The following HIBCH variants were observed in gnomAD, a reference collection of about 807,000 sequenced individuals.
The protein encoded by HIBCH is 3-hydroxyisobutyryl-CoA hydrolase, mitochondrial.
A neutral mutation model predicts 58.2 loss-of-function variants in HIBCH; 50 were observed. The observed-to-expected ratio is 0.86, with a 90% confidence interval of 0.68 to 1.09. The LOEUF is 1.09. HIBCH is among the 50% of genes least tolerant of loss of function. The pLI, the probability that HIBCH is intolerant of heterozygous loss-of-function variation, is 0.00. For synonymous variants in HIBCH, 151 were observed against 146.9 expected, an observed-to-expected ratio of 1.03 and a Z score of -0.20; for missense variants, 450 against 449.7, an observed-to-expected ratio of 1.00 and a Z score of -0.01.
At chr2:190,189,831 G>C (rs115854537) in exon 2 of HIBCH, 282 of 152,246 alleles carry the variant, frequency 1.9e-3, no homozygotes, top group African/African-American at 6.5e-3. Flanking sequence ...CCTTGAACTG[G>C]CAACTGGAAG....
chr2:190,302,142 T>C (rs1688280356), intron 2 of HIBCH, among the ~76,000 whole-genome samples: 2 of 152,174 alleles, frequency 1.3e-5, no homozygotes, highest in South Asian at 4.1e-4. Context: ...GCTTTACTTC[T>C]CCTAAAGGGC....
chr2:190,268,869 G>C (rs1187181960), intron 6 of HIBCH, among the ~76,000 whole-genome samples: 1 of 152,080 alleles, frequency 6.6e-6, no homozygotes, highest in Admixed American at 6.6e-5. Context: ...GCATGGTACT[G>C]GTACCAAAAG....
At chr2:190,193,748 T>A (rs1486058417) in intron 1 of HIBCH, among the ~76,000 whole-genome samples, 1 of 152,168 alleles carries the variant, frequency 6.6e-6, no homozygotes, top group African/African-American at 2.4e-5. Context: ...ATCTATTAGA[T>A]CTTTTTAAAG....
chr2:190,191,237 G>C (rs186793829), intron 1 of HIBCH, among the ~76,000 whole-genome samples: 1 of 152,076 alleles, frequency 6.6e-6, no homozygotes, highest in Admixed American at 6.5e-5. Context: ...CTGCCTCCTG[G>C]ATTCAGGTGA....
At chr2:190,291,899 T>G (rs1687966568) in intron 4 of HIBCH, among the ~76,000 whole-genome samples, 1 of 152,258 alleles carries the variant, frequency 6.6e-6, no homozygotes, top group African/African-American at 2.4e-5. Flanking sequence ...AAACATTTCA[T>G]AGATATGTTT....
At chr2:190,199,973 T>C (rs1690170870), downstream of HIBCH, 4 of 1,614,144 alleles carry the variant, frequency 2.5e-6, no homozygotes, top group South Asian at 1.1e-5. Context: ...CTACCTAGGA[T>C]GGCTTCTCCA....
At position 190,299,239 on chromosome 2, in the gene HIBCH, C is replaced by A. The variant is rs115392704; in HGVS notation, c.79-2286G>T. The stretch of plus-strand genomic sequence containing the variant: ...TACATATTTTGACTGCATTAAGCAA[C>A]ACGTTTATATAACGTTTAAGTTCTC... On this transcript the variant is annotated intron_variant, in intron 2 of 13. Transcript: ENST00000359678. Among the ~76,000 whole-genome samples, 1,029 of 152,266 alleles carry A rather than the reference C, an allele frequency of 6.8e-3. 13 individuals carry two copies. The highest frequency in any genetic ancestry group is 0.023 in the African/African-American group (936 of 41,544).
chr2:190,245,079 T>C, intron 10 of HIBCH, 111 bp from the exon 11 acceptor site: 2 of 752,366 alleles, frequency 2.7e-6, no homozygotes, highest in East Asian at 2.6e-5. Context: ...TAATGAAAAA[T>C]TGTCTAACCT....
chr2:190,264,262 CTTTCTTTCTTTT>C (rs1228348621), intron 6 of HIBCH, among the ~76,000 whole-genome samples: 131 of 151,128 alleles, frequency 8.7e-4, no homozygotes, highest in African/African-American at 3.1e-3. Context: ...GCCACACGGG[CTTTCTTTCTTTT>C]TTCTTTCTTT....
At chr2:190,287,401 G>A (rs1397328658) in intron 6 of HIBCH, among the ~76,000 whole-genome samples, 185 bp downstream of exon 6, 1 of 152,056 alleles carries the variant, frequency 6.6e-6, no homozygotes, top group East Asian at 1.9e-4. Context: ...CTTTTGGGCT[G>A]GGATAGTCTA....
chr2:190,272,645 C>T (rs1394724877), intron 6 of HIBCH, among the ~76,000 whole-genome samples: 1 of 148,718 alleles, frequency 6.7e-6, no homozygotes, highest in Admixed American at 6.7e-5. Flanking sequence ...AGGAAATGGC[C>T]AAGGGAAAAA....
intron 9 of HIBCH, among the ~76,000 whole-genome samples, chr2:190,246,963 G>T (rs542931933): frequency 1.2e-4 from 18 of 151,772 alleles, no homozygotes; most frequent in African/African-American, 4.1e-4. Context: ...ACAGGCCTAT[G>T]ATTGCAGCTG....
intron 7 of HIBCH, among the ~76,000 whole-genome samples, chr2:190,255,848 AG>A (rs1686905386): frequency 1.3e-5 from 2 of 150,954 alleles, no homozygotes; most frequent in Non-Finnish European, 3.0e-5. Context: ...AGAGAGAGAG[AG>A]TGTGTGTGTG....
At position 190,279,956 on chromosome 2, in the gene HIBCH, CG is replaced by C. The variant is rs2105974197; in HGVS notation, c.438+7629del. The C allele has an allele frequency of 6.5e-6, 1 of 153,448 alleles. No individual in the cohort carries two copies. The highest frequency in any genetic ancestry group is 1.4e-5 in the Non-Finnish European group (1 of 68,992). 9.5% of individuals were successfully genotyped at this position (153,448 alleles called of 1,614,324 possible). On this transcript the variant is annotated intron_variant, in intron 6 of 13. Transcript: ENST00000359678. The surrounding 1 kb of genome is among the most constrained non-coding windows in gnomAD (Gnocchi z 4.2). ...AAACCGGACACAGCAGTAGGGTGAA[CG>C]CGTCAGGTTATAAATTACCCTGTCC...
At chr2:190,230,975 C>T (rs1196446846) in intron 11 of HIBCH, among the ~76,000 whole-genome samples, 2 of 152,048 alleles carry the variant, frequency 1.3e-5, no homozygotes, top group African/African-American at 2.4e-5. Context: ...ATGTAAAACA[C>T]GTATCACGAA....
intron 11 of HIBCH, chr2:190,220,571 T>C (rs1010129502): frequency 7.9e-5 from 12 of 151,858 alleles, no homozygotes; most frequent in African/African-American, 2.9e-4. Context: ...TTGCCCTAGG[T>C]GCTTTATGAA....
intron 11 of HIBCH, among the ~76,000 whole-genome samples, chr2:190,233,406 C>T (rs937538171): frequency 3.9e-5 from 6 of 152,124 alleles, no homozygotes; most frequent in African/African-American, 1.4e-4. Context: ...AGATCTTTCC[C>T]ATGCCGTTCT....
chr2:190,294,694 G>T, intron 3 of HIBCH, 64 bp from the exon 4 acceptor site: 1 of 993,824 alleles, frequency 1.0e-6, no homozygotes, highest in Non-Finnish European at 1.6e-6. Flanking sequence ...AAAGTTATAT[G>T]CATATGCACA....
intron 1 of HIBCH, among the ~76,000 whole-genome samples, chr2:190,316,894 A>T (rs139370258): frequency 1.3e-5 from 2 of 152,308 alleles, no homozygotes; most frequent in East Asian, 3.9e-4. Context: ...GAGGCCTATT[A>T]ACAACCTAAA....
Sources: gnomAD v4.1 joint callset for allele counts (sites outside exome capture counted in the v4.1 genomes callset) on GRCh38, gnomAD v4.1.1 for gene constraint, Gnocchi (gnomAD v3.1) non-coding constraint, MANE v1.5 for transcripts, NCBI Gene and HGNC (gene_info 2026-07-23, HGNC 2026-07-21) for gene names.